FGD6: variants seen among roughly 807,000 people sequenced by gnomAD.
The protein encoded by FGD6 is FYVE, RhoGEF and PH domain-containing protein 6.
FGD6 carries 90 observed loss-of-function variants against 149.4 expected under a neutral mutation model. That is an observed-to-expected ratio of 0.60 (90% CI 0.51 to 0.72). FGD6 has a LOEUF of 0.72. FGD6 is among the 30% of genes least tolerant of loss of function. The pLI, the probability that FGD6 is intolerant of heterozygous loss-of-function variation, is 0.00. For missense variants in FGD6, 1,437 were observed against 1,684.8 expected (o/e 0.85, Z 2.57); for synonymous variants, 527 against 584.0 (o/e 0.90, Z 1.41).
intron 2 of FGD6, among the ~76,000 whole-genome samples, chr12:95,206,242 T>C (rs550421909): frequency 6.6e-6 from 1 of 152,080 alleles, no homozygotes; most frequent in Admixed American, 6.6e-5. Flanking sequence ...AAATTTATCT[T>C]AGGCAAGGAT....
chr12:95,133,569 C>T (rs1044316881), intron 8 of FGD6, among the ~76,000 whole-genome samples: 1 of 152,158 alleles, frequency 6.6e-6, no homozygotes, highest in Non-Finnish European at 1.5e-5. Flanking sequence ...AAAGCATGGA[C>T]ACCATTTCTT....
rs370653493 is a variant in FGD6, at chr12:95,090,712, T to G, written c.3850+995A>C. On this transcript the variant is annotated intron_variant, in intron 17 of 20. Transcript: ENST00000343958. The stretch of plus-strand genomic sequence containing the variant: ...ATAATAAATTATTCATCTAGAAATA[T>G]GTGGACTCTGAAATACCATGTCATC... Among the ~76,000 whole-genome samples, 33 of 152,304 alleles carry G rather than the reference T, an allele frequency of 2.2e-4. No homozygotes were observed. The South Asian group carries it at 6.4e-3, about 30-fold the overall frequency.
intron 6 of FGD6, among the ~76,000 whole-genome samples, 188 bp downstream of exon 6, chr12:95,141,200 G>A (rs544981775): frequency 3.1e-4 from 47 of 152,302 alleles, no homozygotes; most frequent in Admixed American, 6.5e-4. Flanking sequence ...ACCAGCCTGG[G>A]CGACAGAATG....
At position 95,210,323 on chromosome 12, in the gene FGD6, G is replaced by A. The variant is rs1565925404; in HGVS notation, c.961C>T (p.Arg321Ter). ...TTTTGGCGTAACAGACGAGCAGTTCGTGTCTTTCTGGGCTTGGGAGTTGGA... is the reference window on the plus strand; with the variant it reads ...TTTTGGCGTAACAGACGAGCAGTTCATGTCTTTCTGGGCTTGGGAGTTGGA... Reference protein sequence around the residue: ...KFPTPKPRKTRTARLLRQKCV... With the variant: ...KFPTPKPRKT The change falls in exon 2 of 21, where the codon CGA (arginine) becomes TGA (stop). Residue 321 changes from arginine (R) to a stop codon, truncating the protein, a stop_gained. Transcript: ENST00000343958. LOFTEE classifies it high-confidence loss of function. The A allele has an allele frequency of 1.2e-6, 2 of 1,614,082 alleles. No homozygotes were observed. Among genetic ancestry groups the A allele is most frequent in the Non-Finnish European group, 8.5e-7 (1 of 1,180,010 alleles).
At chr12:95,178,787 A>G (rs1426712353) in intron 2 of FGD6, among the ~76,000 whole-genome samples, 1 of 152,158 alleles carries the variant, frequency 6.6e-6, no homozygotes, top group Non-Finnish European at 1.5e-5. Flanking sequence ...TAAAATCACT[A>G]AAATACTTAA....
intron 20 of FGD6, 24 bp from the exon 21 acceptor site, chr12:95,081,580 G>C (rs1439122432): frequency 6.3e-7 from 1 of 1,584,320 alleles, no homozygotes; most frequent in East Asian, 2.3e-5. Flanking sequence ...AAATCGGTTA[G>C]ATTTGTAAAA....
At chr12:95,092,208 T>C (rs758309248) in intron 16 of FGD6, among the ~76,000 whole-genome samples, 2 of 152,206 alleles carry the variant, frequency 1.3e-5, no homozygotes, top group African/African-American at 2.4e-5. Context: ...TTGGGCTCCA[T>C]ACTAAATGCT....
At chr12:95,144,725 T>C (rs1277627158) in intron 5 of FGD6, among the ~76,000 whole-genome samples, 3 of 151,676 alleles carry the variant, frequency 2.0e-5, no homozygotes, top group South Asian at 2.1e-4. Context: ...TTTGCTCTTG[T>C]TGCCCAGGCT....
rs538035593 is a variant in FGD6 at position 95,153,319 on chromosome 12, C to G, written c.2587-326G>C. Among the ~76,000 whole-genome samples the G allele has an allele frequency of 1.7e-4, 26 of 152,224 alleles. No homozygotes were observed. The South Asian group carries it at 5.2e-3, about 30-fold the overall frequency. On this transcript the variant is annotated intron_variant, in intron 3 of 20. Coordinates refer to ENST00000343958, the MANE Select transcript of FGD6 (RefSeq NM_018351.4). ...CTAAAAAGGCTACAGGGGAAGTGGC[C>G]CCTTACAGATAGATACCAGAAGAAG...
chr12:95,147,124 T>G (rs1343928202), intron 5 of FGD6, among the ~76,000 whole-genome samples: 1 of 152,146 alleles, frequency 6.6e-6, no homozygotes, highest in Non-Finnish European at 1.5e-5. Flanking sequence ...CCTGTCCTCA[T>G]GAAGGACACC....
At chr12:95,094,938 T>C (rs1368492783) in intron 14 of FGD6, among the ~76,000 whole-genome samples, 1 of 152,238 alleles carries the variant, frequency 6.6e-6, no homozygotes, top group Non-Finnish European at 1.5e-5. Flanking sequence ...CTGCTTTATA[T>C]TAAATAGCTT....
At chr12:95,115,555 A>AGATAG (rs1174778678) in intron 8 of FGD6, among the ~76,000 whole-genome samples, 2 of 152,092 alleles carry the variant, frequency 1.3e-5, no homozygotes, top group Non-Finnish European at 2.9e-5. Context: ...ATTATTTTTT[A>AGATAG]GATAGGATTG....
chr12:95,210,430 GAT>G lies in FGD6; in HGVS notation c.852_853del (p.Ser285PhefsTer5). ...TGATTTCTTACTAACTCCATCTGAAGATATTAAAGTACTCCTTTTCCCATTTT... is the reference window on the plus strand; with the variant it reads ...TGATTTCTTACTAACTCCATCTGAAGATTAAAGTACTCCTTTTCCCATTTT... On this transcript the variant is annotated frameshift_variant, in exon 2 of 21. Transcript: ENST00000343958. LOFTEE classifies it high-confidence loss of function. 6.2e-7 allele frequency: 1 copy of G among 1,614,112 alleles called. No homozygotes were observed. Among genetic ancestry groups the G allele is most frequent in the Non-Finnish European group, 8.5e-7 (1 of 1,180,022 alleles).
In FGD6 at chr12:95,107,565, G is replaced by C; in HGVS notation, c.3331C>G (p.Leu1111Val). The C allele has an allele frequency of 1.2e-6, 2 of 1,613,954 alleles. No homozygotes were observed. Among genetic ancestry groups the C allele is most frequent in the Non-Finnish European group, 1.7e-6 (2 of 1,180,008 alleles). The change falls in exon 12 of 21, where the codon CTG becomes GTG. Residue 1111 changes from leucine (L) to valine (V), a missense_variant and splice_region_variant. Around this residue, in one of 2 missense-constraint regions of FGD6, gnomAD observed 382 missense variants for 538.7 expected, o/e 0.71. Transcript: ENST00000343958. ...CAGAACTACACAAGTCCTCTTACCA[G>C]GAAAAACATTCGAGGTTGCATCACT... ...RKVMQPRMFFLFNDALLYTTP... is the reference protein window; with the variant it reads ...RKVMQPRMFFVFNDALLYTTP...
At chr12:95,181,128 G>A (rs1881271509) in intron 2 of FGD6, among the ~76,000 whole-genome samples, 1 of 152,196 alleles carries the variant, frequency 6.6e-6, no homozygotes, top group Non-Finnish European at 1.5e-5. Flanking sequence ...TAGGTAGGAA[G>A]GGGAGATCTG....
At chr12:95,094,805 T>A in intron 14 of FGD6, 111 bp from the exon 15 acceptor site, 2 of 742,586 alleles carry the variant, frequency 2.7e-6, no homozygotes, top group Admixed American at 2.3e-5. Context: ...ACAATACCAG[T>A]CAAAAAAGTA....
chr12:95,139,453 C>T (rs916859766), intron 6 of FGD6, among the ~76,000 whole-genome samples: 2 of 148,052 alleles, frequency 1.4e-5, no homozygotes, highest in Non-Finnish European at 3.0e-5. Flanking sequence ...AAAAAAAAAT[C>T]GGAAGCAAAT....
rs764203595 is a variant in FGD6 at position 95,209,523 on chromosome 12, G to A, written c.1761C>T (p.Thr587=). Residue 587 remains threonine (T), a synonymous_variant, in exon 2 of 21, where the codon ACC becomes ACT. Transcript: ENST00000343958. ...SGNPEFLKSV[T]VSSNSEPSTA... is the part of the protein sequence containing the mutation. Reference sequence around the variant, plus strand: ...TTGAAGGCTCACTGTTTGACGATACGGTGACAGACTTTAAGAATTCTGGGT... The same window carrying A: ...TTGAAGGCTCACTGTTTGACGATACAGTGACAGACTTTAAGAATTCTGGGT... 22 of 1,613,936 alleles carry A rather than the reference G, an allele frequency of 1.4e-5. No homozygotes were observed. Among genetic ancestry groups the A allele is most frequent in the South Asian group, 4.4e-5 (4 of 91,034 alleles).
At chr12:95,086,064 T>C (rs1877854733) in intron 18 of FGD6, among the ~76,000 whole-genome samples, 156 bp from the exon 19 acceptor site, 1 of 152,212 alleles carries the variant, frequency 6.6e-6, no homozygotes, top group Non-Finnish European at 1.5e-5. Flanking sequence ...AATTGAACTC[T>C]GCTATTAACA....
Sources: allele counts gnomAD v4.1 joint callset (sites outside exome capture counted in the v4.1 genomes callset), GRCh38; gene constraint gnomAD v4.1.1; regional missense constraint gnomAD v4.1.1; transcripts MANE v1.5; gene names NCBI Gene and HGNC (gene_info 2026-07-23, HGNC 2026-07-21).